Variants in RO60 observed in about 807,000 individuals in gnomAD.
RO60 encodes Ro60, Y RNA binding protein, also known as RNA-binding protein RO60.
In RO60, 20 loss-of-function variants were observed where a neutral mutation model predicts 55.3. The observed-to-expected ratio is 0.36, with a 90% confidence interval of 0.25 to 0.53. The LOEUF (loss-of-function observed/expected upper bound fraction) is 0.53. Among genes scored for constraint, RO60 ranks in the 20% least tolerant of loss-of-function variants. The pLI, the probability that RO60 is intolerant of heterozygous loss-of-function variation, is 0.92. For synonymous variants in RO60, 213 were observed against 213.6 expected, an observed-to-expected ratio of 1.00 and a Z score of 0.02; for missense variants, 558 against 646.6, an observed-to-expected ratio of 0.86 and a Z score of 1.49.
At chr1:193,070,549 G>A (rs1015240267) in intron 2 of RO60, 10 of 415,120 alleles carry the variant, frequency 2.4e-5, no homozygotes, top group East Asian at 7.3e-5. Context: ...TTTTTGCACC[G>A]GAAGTGAAAC....
At chr1:193,081,876 T>G (rs910345232) in intron 6 of RO60, among the ~76,000 whole-genome samples, 8 of 152,206 alleles carry the variant, frequency 5.3e-5, no homozygotes, top group Admixed American at 1.3e-4. Flanking sequence ...TTTAGTTCTA[T>G]CCTGTCAGTG....
At chr1:193,084,009 T>A (rs1674492936) in intron 8 of RO60, among the ~76,000 whole-genome samples, 1 of 152,210 alleles carries the variant, frequency 6.6e-6, no homozygotes, top group Admixed American at 6.5e-5. Context: ...TTAGAGTTGT[T>A]TTAACAGTTA....
intron 8 of RO60, among the ~76,000 whole-genome samples, chr1:193,084,319 C>T (rs1674515666): frequency 6.6e-6 from 1 of 152,132 alleles, no homozygotes; most frequent in Non-Finnish European, 1.5e-5. Context: ...CTAGGCTGCT[C>T]AATAATGTAC....
At chr1:193,077,440 A>C (rs1572092474) in intron 5 of RO60, among the ~76,000 whole-genome samples, 1 of 152,300 alleles carries the variant, frequency 6.6e-6, no homozygotes, top group Middle Eastern at 3.4e-3. Flanking sequence ...ATGCCTTGGG[A>C]AACTTACAAT....
At chr1:193,080,485 T>G (rs980624417) in intron 5 of RO60, among the ~76,000 whole-genome samples, 2 of 152,214 alleles carry the variant, frequency 1.3e-5, no homozygotes, top group African/African-American at 4.8e-5. Flanking sequence ...GTAGCATTAT[T>G]CACAATAGCC....
chr1:193,084,380 C>T (rs1407102363), intron 8 of RO60, among the ~76,000 whole-genome samples, 199 bp from the exon 9 acceptor site: 1 of 152,202 alleles, frequency 6.6e-6, no homozygotes, highest in Admixed American at 6.6e-5. Context: ...GTAGAAATTT[C>T]AGGCAGATTC....
At chr1:193,082,763 A>AT (rs201236241) in intron 8 of RO60, 55 bp downstream of exon 8, 119,246 of 1,140,512 alleles carry the variant, frequency 0.1, 175 homozygotes, top group African/African-American at 0.12. Flanking sequence ...TTAATACTTG[A>AT]TTTTTTTTTT....
chr1:193,075,675 T>C (rs1413270688), intron 2 of RO60, 145 bp from the exon 3 acceptor site: 9 of 525,920 alleles, frequency 1.7e-5, no homozygotes, highest in Non-Finnish European at 2.7e-5. Context: ...TTAATTGTTA[T>C]ATCATGGAAA....
chr1:193,074,128 G>C (rs1454739988), intron 2 of RO60, among the ~76,000 whole-genome samples: 1 of 152,116 alleles, frequency 6.6e-6, no homozygotes, highest in Non-Finnish European at 1.5e-5. Flanking sequence ...TCTTAATCCA[G>C]TCTATCATTG....
intron 1 of RO60, among the ~76,000 whole-genome samples, chr1:193,063,354 A>G (rs1411337525): frequency 6.6e-6 from 1 of 151,874 alleles, no homozygotes; most frequent in Non-Finnish European, 1.5e-5. Context: ...TTCTTTACCC[A>G]TTTGTGTGTC....
chr1:193,071,255 G>C (rs1361429964), intron 2 of RO60, among the ~76,000 whole-genome samples: 2 of 152,202 alleles, frequency 1.3e-5, no homozygotes, highest in Non-Finnish European at 2.9e-5. Context: ...ACAGGCCACG[G>C]ACTGGTATCC....
chr1:193,084,500 TAA>T (rs1674528661), intron 8 of RO60, 77 bp from the exon 9 acceptor site: 1 of 1,438,924 alleles, frequency 6.9e-7, no homozygotes, highest in Non-Finnish European at 9.2e-7. Context: ...AGAGAAATGT[TAA>T]AGTGTTTTAA....
rs953686330 is a variant in RO60 at position 193,084,844 on chromosome 1, C to T, written c.*113C>T. ...ATGAATGATGATGGTATAGTATGTGCATAATGGAAAGTTACCTTACTGAAA... is the reference window on the plus strand; with the variant it reads ...ATGAATGATGATGGTATAGTATGTGTATAATGGAAAGTTACCTTACTGAAA... On this transcript the variant is annotated 3_prime_UTR_variant, in exon 9 of 9. Transcript: ENST00000400968. The T allele has an allele frequency of 2.0e-6, 3 of 1,507,624 alleles. No individual in the cohort carries two copies. The highest frequency in any genetic ancestry group is 4.6e-5 in the East Asian group (2 of 43,364). 93.4% of individuals were successfully genotyped at this position (1,507,624 alleles called of 1,614,324 possible).
Position 193,069,197 on chromosome 1 carries a change from T to C in RO60, c.143T>C (p.Ile48Thr), listed in dbSNP as rs1673316456. 2 of 1,614,082 alleles carry C rather than the reference T, an allele frequency of 1.2e-6. No homozygotes were observed. The highest frequency in any genetic ancestry group is 1.7e-5 in the Admixed American group (1 of 60,006). The stretch of plus-strand genomic sequence containing the variant: ...GGTTCTGAAGGTGGGACTTATTATA[T>C]CAAAGAACAGAAGTTGGGCCTTGAA... ...CFGSEGGTYY[I>T]KEQKLGLENA... is the part of the protein sequence containing the mutation. The change falls in exon 2 of 9, where the codon ATC becomes ACC. Residue 48 changes from isoleucine to threonine, a missense_variant. Transcript: ENST00000400968.
intron 1 of RO60, among the ~76,000 whole-genome samples, chr1:193,061,438 C>T (rs993023972): frequency 6.6e-6 from 1 of 152,144 alleles, no homozygotes. Context: ...AGATGAAAGG[C>T]AGCATTTTCA....
At chr1:193,079,943 A>G (rs1369810143) in intron 5 of RO60, among the ~76,000 whole-genome samples, 1 of 150,936 alleles carries the variant, frequency 6.6e-6, no homozygotes, top group African/African-American at 2.4e-5. Context: ...CCTGGCCAAC[A>G]TGGTGATACC....
chr1:193,059,825 G>A lies in RO60; in HGVS notation c.-22+49G>A. The A allele has an allele frequency of 7.4e-7, 1 of 1,358,262 alleles. No homozygotes were observed. Among genetic ancestry groups the A allele is most frequent in the Non-Finnish European group, 9.8e-7 (1 of 1,018,054 alleles). 84.1% of individuals were successfully genotyped at this position (1,358,262 alleles called of 1,614,324 possible). A position where few individuals can be genotyped will look rare whatever the true frequency, so the allele number is the denominator to read the frequency against. ...CTGGGAGCCTTTTGTGCGGCCCCAG[G>A]GACGCGCAAATTCTGACCAGTCCTC... On this transcript the variant is annotated intron_variant, in intron 1 of 8. Transcript: ENST00000400968. This position sits in a 1 kb window ranked among gnomAD's most constrained non-coding sequence, Gnocchi z 4.9.
At position 193,075,951 on chromosome 1, in the gene RO60, A is replaced by T. The variant is rs553098955; in HGVS notation, c.712A>T (p.Thr238Ser). The change falls in exon 3 of 9, where the codon ACA (threonine) becomes TCA (serine). Residue 238 changes from threonine (T) to serine (S), a missense_variant. By Grantham distance (58) the Thr-to-Ser change is moderately conservative (BLOSUM62 1). Transcript: ENST00000400968. Reference protein sequence around the residue: ...YLEAVEKVKRTRDELEVIHLI... With the variant: ...YLEAVEKVKRSRDELEVIHLI... The stretch of plus-strand genomic sequence containing the variant: ...GGAGGCTGTAGAGAAAGTGAAGCGC[A>T]CAAGAGATGAGCTAGAAGTCATTCA... 4 of 1,613,466 alleles carry T rather than the reference A, an allele frequency of 2.5e-6. No homozygotes were observed. In the African/African-American group the frequency reaches 5.3e-5, roughly 22 times the overall value.
chr1:193,059,844 A>T lies in RO60; in HGVS notation c.-22+68A>T. The T allele has an allele frequency of 7.3e-7, 1 of 1,362,028 alleles. No individual in the cohort carries two copies. The highest frequency in any genetic ancestry group is 9.8e-7 in the Non-Finnish European group (1 of 1,019,874). 84.4% of individuals were successfully genotyped at this position (1,362,028 alleles called of 1,614,324 possible). ...CCCCAGGGACGCGCAAATTCTGACC[A>T]GTCCTCCATGTCTCTCACCCGCATC... On this transcript the variant is annotated intron_variant, in intron 1 of 8. Transcript: ENST00000400968. This position sits in a 1 kb window ranked among gnomAD's most constrained non-coding sequence, Gnocchi z 4.9.
Sources: allele counts gnomAD v4.1 joint callset (sites outside exome capture counted in the v4.1 genomes callset), GRCh38; gene constraint gnomAD v4.1.1; non-coding constraint Gnocchi (gnomAD v3.1); transcripts MANE v1.5; gene names NCBI Gene and HGNC (gene_info 2026-07-23, HGNC 2026-07-21).